The following MPPED1 variants were observed in gnomAD, a reference collection of about 807,000 sequenced individuals.
MPPED1 encodes metallophosphoesterase domain-containing protein 1.
A neutral mutation model predicts 36.2 loss-of-function variants in MPPED1; 16 were observed. The ratio of observed to expected loss-of-function variants is 0.44; its 90% CI spans 0.30 to 0.67. MPPED1 has a LOEUF of 0.67. Ranked by LOEUF, MPPED1 falls within the 30% of genes least tolerant of loss-of-function variation. The probability of loss-of-function intolerance (pLI) is 0.10; values close to 1 mark genes in which losing one functional copy is unlikely to be tolerated. For missense variants in MPPED1, 307 were observed against 453.4 expected (o/e 0.68, Z 2.93); for synonymous variants, 199 against 191.3 (o/e 1.04, Z -0.33).
At chr22:43,491,730 CTGGTGG>C (rs1267215833) in intron 4 of MPPED1, among the ~76,000 whole-genome samples, 3 of 29,132 alleles carry the variant, frequency 1.0e-4, no homozygotes, top group Non-Finnish European at 1.9e-4. Flanking sequence ...AAAGATGATG[CTGGTGG>C]TGGTGATGGT....
At chr22:43,463,960 G>A (rs1931071075) in intron 3 of MPPED1, among the ~76,000 whole-genome samples, 1 of 151,424 alleles carries the variant, frequency 6.6e-6, no homozygotes, top group African/African-American at 2.4e-5. Flanking sequence ...CCAGGCTGGG[G>A]TGTAGTGACG....
At chr22:43,473,459 C>T (rs959373604) in intron 3 of MPPED1, among the ~76,000 whole-genome samples, 4 of 152,208 alleles carry the variant, frequency 2.6e-5, no homozygotes, top group East Asian at 3.8e-4. Context: ...CCATCCACCC[C>T]GAGGCCCCTG....
intron 4 of MPPED1, among the ~76,000 whole-genome samples, chr22:43,478,280 T>C (rs1489795707): frequency 6.6e-6 from 1 of 152,190 alleles, no homozygotes; most frequent in Non-Finnish European, 1.5e-5. Context: ...CTGAGGAGAT[T>C]GAGGCCTGGG....
At chr22:43,412,231 TC>T in intron 1 of MPPED1, 73 bp downstream of exon 1, 1 of 868,610 alleles carries the variant, frequency 1.2e-6, no homozygotes, top group Non-Finnish European at 1.4e-6. Flanking sequence ...CGGGACCCTC[TC>T]CAGGCGCTGG....
At chr22:43,490,193 A>G (rs1198717273) in intron 4 of MPPED1, among the ~76,000 whole-genome samples, 1 of 152,148 alleles carries the variant, frequency 6.6e-6, no homozygotes, top group East Asian at 1.9e-4. Context: ...ATGTCCCCAG[A>G]TCCTGCAGGC....
At chr22:43,429,994 T>C (rs1481915522) in intron 2 of MPPED1, among the ~76,000 whole-genome samples, 2 of 151,760 alleles carry the variant, frequency 1.3e-5, no homozygotes, top group African/African-American at 4.8e-5. Flanking sequence ...GTGGGAAGAG[T>C]ACTGGGCAAG....
chr22:43,471,623 C>T (rs775491583), intron 3 of MPPED1, among the ~76,000 whole-genome samples: 4 of 152,214 alleles, frequency 2.6e-5, no homozygotes, highest in Admixed American at 2.0e-4. Flanking sequence ...TGTGTCCTCC[C>T]GGACCCACTA....
chr22:43,443,193 C>T (rs543064208), intron 3 of MPPED1, among the ~76,000 whole-genome samples: 1 of 152,330 alleles, frequency 6.6e-6, no homozygotes, highest in African/African-American at 2.4e-5. Flanking sequence ...GAGAAGGACC[C>T]AGCTCTGAAT....
chr22:43,426,912 G>C (rs1051032838), intron 2 of MPPED1, among the ~76,000 whole-genome samples: 1 of 152,254 alleles, frequency 6.6e-6, no homozygotes, highest in Non-Finnish European at 1.5e-5. Context: ...CCGGGCCTCA[G>C]GCTTGCCGCT....
At position 43,470,047 on chromosome 22, in the gene MPPED1, T is replaced by C. The variant is rs192703975; in HGVS notation, c.407-4689T>C. Among the ~76,000 whole-genome samples, 73 of 151,192 alleles carry C rather than the reference T, an allele frequency of 4.8e-4. 1 individual carries two copies. Among genetic ancestry groups the C allele is most frequent in the Middle Eastern group, 3.4e-3 (1 of 290 alleles). ...ATTAATCCATCTATATATGCATCTATATATCCATACATATATAAATCATCC... is the reference window on the plus strand; with the variant it reads ...ATTAATCCATCTATATATGCATCTACATATCCATACATATATAAATCATCC... On this transcript the variant is annotated intron_variant, in intron 3 of 6. Coordinates refer to ENST00000443721, the MANE Select transcript of MPPED1 (RefSeq NM_001044370.2).
intron 1 of MPPED1, among the ~76,000 whole-genome samples, chr22:43,413,728 T>C (rs2146806595): frequency 6.6e-6 from 1 of 152,350 alleles, no homozygotes; most frequent in East Asian, 1.9e-4. Flanking sequence ...TAAAATCTTT[T>C]TCTGGAGATG....
At chr22:43,460,741 T>C (rs942690593) in intron 3 of MPPED1, among the ~76,000 whole-genome samples, 1 of 152,116 alleles carries the variant, frequency 6.6e-6, no homozygotes, top group Admixed American at 6.5e-5. Context: ...CTCCCTACCA[T>C]TGTGTTGAGG....
intron 4 of MPPED1, among the ~76,000 whole-genome samples, chr22:43,480,826 C>CTTT (rs538718282): frequency 1.6e-4 from 22 of 137,894 alleles, no homozygotes; most frequent in African/African-American, 5.1e-4. Flanking sequence ...CTTTTCTTTT[C>CTTT]TTTTTTTTTT....
At chr22:43,497,083 GGT>G (rs1932438367) in intron 4 of MPPED1, among the ~76,000 whole-genome samples, 1 of 149,148 alleles carries the variant, frequency 6.7e-6, no homozygotes, top group Admixed American at 6.6e-5. Flanking sequence ...TGGTGGTGGA[GGT>G]AGTGGTGGCG....
chr22:43,413,803 T>C (rs528589000), intron 1 of MPPED1, among the ~76,000 whole-genome samples: 194 of 152,336 alleles, frequency 1.3e-3, no homozygotes, highest in Non-Finnish European at 1.7e-3. Flanking sequence ...AATTGGGCGA[T>C]GGCTAGTCAA....
chr22:43,463,250 C>T (rs1931015690), intron 3 of MPPED1, among the ~76,000 whole-genome samples: 2 of 151,706 alleles, frequency 1.3e-5, no homozygotes, highest in Admixed American at 1.3e-4. Flanking sequence ...CTTTTCTCAT[C>T]TCCAGTTTTT....
At chr22:43,493,924 A>C (rs1932178005) in intron 4 of MPPED1, among the ~76,000 whole-genome samples, 1 of 152,150 alleles carries the variant, frequency 6.6e-6, no homozygotes, top group African/African-American at 2.4e-5. Flanking sequence ...TGGCGAAAAC[A>C]ACGGAAATTC....
At chr22:43,487,246 C>A (rs368943406) in intron 4 of MPPED1, among the ~76,000 whole-genome samples, 2 of 152,084 alleles carry the variant, frequency 1.3e-5, no homozygotes, top group Admixed American at 6.5e-5. Context: ...GCCTTTGAGC[C>A]GGTCCTTAAT....
chr22:43,412,743 G>A (rs1046132932), intron 1 of MPPED1, among the ~76,000 whole-genome samples: 33 of 151,682 alleles, frequency 2.2e-4, no homozygotes, highest in African/African-American at 4.6e-4. Context: ...CTATGTGCTC[G>A]GCCAGGGGAT....
Sources: allele counts gnomAD v4.1 joint callset (sites outside exome capture counted in the v4.1 genomes callset), GRCh38; gene constraint gnomAD v4.1.1; transcripts MANE v1.5; gene names NCBI Gene and HGNC (gene_info 2026-07-23, HGNC 2026-07-21).